Variants in SLC1A2 observed in about 807,000 individuals in gnomAD.
SLC1A2 encodes solute carrier family 1 member 2.
In SLC1A2, 15 loss-of-function variants were observed where a neutral mutation model predicts 48.8. The ratio of observed to expected loss-of-function variants is 0.31; its 90% confidence interval spans 0.21 to 0.47. SLC1A2 has a LOEUF of 0.47. Among genes scored for constraint, SLC1A2 ranks in the 20% least tolerant of loss-of-function variants. The pLI, the probability that SLC1A2 is intolerant of heterozygous loss-of-function variation, is 0.99. For synonymous variants in SLC1A2, 279 were observed against 272.6 expected, an observed-to-expected ratio of 1.02 and a Z score of -0.23; for missense variants, 502 against 730.5, an observed-to-expected ratio of 0.69 and a Z score of 3.61.
intron 1 of SLC1A2, among the ~76,000 whole-genome samples, chr11:35,387,773 T>G (rs1487658298): frequency 6.6e-6 from 1 of 152,124 alleles, no homozygotes; most frequent in African/African-American, 2.4e-5. Flanking sequence ...CAAAATGCCT[T>G]TCTCAGCTTC....
Position 35,260,419 on chromosome 11 carries a change from G to A in SLC1A2, c.*475C>T, listed in dbSNP as rs1565196234. On this transcript the variant is annotated 3_prime_UTR_variant, in exon 11 of 11. Transcript: ENST00000278379. The stretch of plus-strand genomic sequence containing the variant: ...TGCAAGCTTTACTAGACATTTTAAG[G>A]GGAGTTACTTCTAGAGGCTTTTAAT... 1 of 155,628 alleles carries A rather than the reference G, an allele frequency of 6.4e-6. No individual in the cohort carries two copies. The highest frequency in any genetic ancestry group is 1.4e-5 in the Non-Finnish European group (1 of 70,122). 9.6% of individuals were successfully genotyped at this position (155,628 alleles called of 1,614,324 possible). A position where few individuals can be genotyped will look rare whatever the true frequency, so the allele number is the denominator to read the frequency against.
intron 1 of SLC1A2, among the ~76,000 whole-genome samples, chr11:35,318,161 G>A (rs1227339603): frequency 6.6e-6 from 1 of 152,228 alleles, no homozygotes; most frequent in Non-Finnish European, 1.5e-5. Flanking sequence ...TAGAGTCCAA[G>A]AAGTATGGCT....
At chr11:35,273,692 A>C (rs1470402984) in intron 9 of SLC1A2, among the ~76,000 whole-genome samples, 1 of 152,196 alleles carries the variant, frequency 6.6e-6, no homozygotes, top group Non-Finnish European at 1.5e-5. Flanking sequence ...TCTTGACCCC[A>C]TTACTAGACT....
intron 6 of SLC1A2, chr11:35,298,355 T>C (rs1851235590): frequency 6.6e-6 from 1 of 152,168 alleles, no homozygotes; most frequent in South Asian, 2.1e-4. Context: ...AGAATTATTA[T>C]AATCTTTTCA....
intron 1 of SLC1A2, chr11:35,360,229 C>T (rs1458095187): frequency 9.7e-6 from 2 of 205,590 alleles, no homozygotes; most frequent in Non-Finnish European, 1.7e-5. Flanking sequence ...GGTTCGAGAG[C>T]CCAAGGTCAC....
At chr11:35,339,585 C>T (rs555454459) in intron 1 of SLC1A2, among the ~76,000 whole-genome samples, 161 of 152,258 alleles carry the variant, frequency 1.1e-3, no homozygotes, top group Non-Finnish European at 2.1e-3. Context: ...CAGGGGTCCA[C>T]TGGTCTCAAC....
intron 1 of SLC1A2, among the ~76,000 whole-genome samples, chr11:35,321,991 C>A (rs1852087274): frequency 6.6e-6 from 1 of 152,054 alleles, no homozygotes; most frequent in Non-Finnish European, 1.5e-5. Context: ...CAATGCAATG[C>A]CTTAATGTTG....
At chr11:35,309,093 CT>C (rs1851607036) in intron 4 of SLC1A2, among the ~76,000 whole-genome samples, 1 of 152,156 alleles carries the variant, frequency 6.6e-6, no homozygotes, top group African/African-American at 2.4e-5. Context: ...CTTTGTAGGC[CT>C]AACTCATTCT....
chr11:35,274,558 A>G (rs1850380917), intron 9 of SLC1A2, among the ~76,000 whole-genome samples: 1 of 151,746 alleles, frequency 6.6e-6, no homozygotes, highest in African/African-American at 2.4e-5. Context: ...CAGTTAGTTA[A>G]GTTTGTGTGT....
intron 1 of SLC1A2, chr11:35,352,155 T>C (rs1400920870): frequency 8.3e-6 from 1 of 120,888 alleles, no homozygotes; most frequent in African/African-American, 3.5e-5. Context: ...AAAAAGTCCA[T>C]ATGACTCAGA....
At chr11:35,400,000 AC>A (rs1855088561) in intron 1 of SLC1A2, among the ~76,000 whole-genome samples, 1 of 152,202 alleles carries the variant, frequency 6.6e-6, no homozygotes, top group South Asian at 2.1e-4. Flanking sequence ...TTCAAAGTCA[AC>A]CCCAGAGCCA....
chr11:35,396,973 G>A (rs574030596), intron 1 of SLC1A2, among the ~76,000 whole-genome samples: 4,344 of 150,560 alleles, frequency 0.029, 196 homozygotes, highest in African/African-American at 0.1. Flanking sequence ...ACTTACAAGG[G>A]ATGTGAAGGA....
chr11:35,331,566 A>T (rs1213758921), intron 1 of SLC1A2, among the ~76,000 whole-genome samples: 1 of 152,130 alleles, frequency 6.6e-6, no homozygotes, highest in Non-Finnish European at 1.5e-5. Flanking sequence ...AAGAATGTAT[A>T]TTTATCACTC....
chr11:35,315,849 G>T (rs1198254076), intron 2 of SLC1A2: 4 of 150,556 alleles, frequency 2.7e-5, no homozygotes, highest in African/African-American at 9.8e-5. Context: ...AAGAAAGAAA[G>T]AACCCACAAG....
intron 1 of SLC1A2, 29 bp downstream of exon 1, chr11:35,418,916 GCTTTC>G (rs1386190579): frequency 1.3e-6 from 2 of 1,549,032 alleles, no homozygotes; most frequent in South Asian, 2.4e-5. Flanking sequence ...GCGTGACCCC[GCTTTC>G]CCGCGGGTAC....
At chr11:35,273,421 C>T (rs1011331323) in intron 9 of SLC1A2, among the ~76,000 whole-genome samples, 13 of 152,196 alleles carry the variant, frequency 8.5e-5, no homozygotes, top group African/African-American at 2.9e-4. Context: ...GCTCAGCTTT[C>T]TCATTCGTAA....
At chr11:35,348,274 T>A (rs1251396784) in intron 1 of SLC1A2, among the ~76,000 whole-genome samples, 1 of 152,180 alleles carries the variant, frequency 6.6e-6, no homozygotes, top group African/African-American at 2.4e-5. Flanking sequence ...GAGGCATGCT[T>A]GGCTTGGCCT....
chr11:35,292,340 G>A lies in SLC1A2; in HGVS notation c.1038C>T (p.Ser346=). The change falls in exon 7 of 11, where the codon TCC becomes TCT. Residue 346 remains serine, a synonymous_variant. Coordinates refer to ENST00000278379, the MANE Select transcript of SLC1A2 (RefSeq NM_004171.4). ...AAGCTTGGAAAATGCCAGCAAAAAA[G>A]GAGAAGGGGTTTTTCCTGGTCACTA... The part of the protein sequence containing the change: ...YFVVTRKNPF[S]FFAGIFQAWI... The A allele has an allele frequency of 1.2e-6, 2 of 1,614,016 alleles. No individual in the cohort carries two copies. Among genetic ancestry groups the A allele is most frequent in the Non-Finnish European group, 1.7e-6 (2 of 1,179,924 alleles).
intron 1 of SLC1A2, among the ~76,000 whole-genome samples, chr11:35,373,099 C>T (rs550999852): frequency 9.8e-4 from 149 of 152,300 alleles, no homozygotes; most frequent in African/African-American, 3.3e-3. Flanking sequence ...AAGCACGACA[C>T]ACCAGAGCAG....
Sources: gnomAD v4.1 joint callset for allele counts (sites outside exome capture counted in the v4.1 genomes callset) on GRCh38, gnomAD v4.1.1 for gene constraint, MANE v1.5 for transcripts, NCBI Gene and HGNC (gene_info 2026-07-23, HGNC 2026-07-21) for gene names.